RBPMS: variants seen among roughly 807,000 people sequenced by gnomAD.
The protein encoded by RBPMS is RNA-binding protein with multiple splicing.
RBPMS carries 7 observed loss-of-function variants against 26.8 expected under a neutral mutation model. The ratio of observed to expected loss-of-function variants is 0.26; its 90% confidence interval spans 0.15 to 0.49. RBPMS has a LOEUF of 0.49. Among genes scored for constraint, RBPMS ranks in the 20% least tolerant of loss-of-function variants. The pLI is 0.98. For missense variants in RBPMS, 186 were observed against 250.0 expected, an observed-to-expected ratio of 0.74 and a Z score of 1.73; for synonymous variants, 96 against 93.3, an observed-to-expected ratio of 1.03 and a Z score of -0.17.
At chr8:30,433,405 G>A (rs965995826) in intron 1 of RBPMS, among the ~76,000 whole-genome samples, 3 of 152,174 alleles carry the variant, frequency 2.0e-5, no homozygotes. Flanking sequence ...GTAGTTTGGA[G>A]TAATTTACCA....
At chr8:30,537,398 C>CT (rs1824907253) in intron 5 of RBPMS, among the ~76,000 whole-genome samples, 1 of 152,086 alleles carries the variant, frequency 6.6e-6, no homozygotes, top group Admixed American at 6.5e-5. Context: ...GGTCTGCTTG[C>CT]TTTTTTGCAG....
chr8:30,552,951 T>C (rs1449442611), intron 6 of RBPMS: 1 of 152,270 alleles, frequency 6.6e-6, no homozygotes, highest in African/African-American at 2.4e-5. Context: ...GACTGGAAGA[T>C]CCGGCAAGAG....
chr8:30,531,751 T>G (rs1824246353), intron 5 of RBPMS, among the ~76,000 whole-genome samples: 1 of 152,234 alleles, frequency 6.6e-6, no homozygotes, highest in African/African-American at 2.4e-5. Context: ...GGCCTTGTTA[T>G]GGTTGTTCTT....
chr8:30,430,864 C>T (rs1219466961), intron 1 of RBPMS, among the ~76,000 whole-genome samples: 1 of 152,156 alleles, frequency 6.6e-6, no homozygotes. Context: ...ATATCAAATG[C>T]CTACCATGTA....
chr8:30,390,570 C>A (rs933143177), intron 1 of RBPMS, among the ~76,000 whole-genome samples: 4 of 152,156 alleles, frequency 2.6e-5, no homozygotes, highest in African/African-American at 4.8e-5. Context: ...AGGTCTTCCT[C>A]TTCTGTTCTC....
chr8:30,412,373 C>T (rs1367523959), intron 1 of RBPMS, among the ~76,000 whole-genome samples: 1 of 152,136 alleles, frequency 6.6e-6, no homozygotes, highest in Non-Finnish European at 1.5e-5. Context: ...CAGCCCTGAG[C>T]CCAGATGACT....
intron 1 of RBPMS, among the ~76,000 whole-genome samples, chr8:30,440,709 G>A (rs1414889005): frequency 2.6e-5 from 4 of 151,850 alleles, no homozygotes; most frequent in Non-Finnish European, 4.4e-5. Flanking sequence ...ATTTTTTGAG[G>A]TTCTCCATAG....
intron 4 of RBPMS, among the ~76,000 whole-genome samples, chr8:30,489,338 G>A (rs547991730): frequency 2.0e-5 from 3 of 152,180 alleles, no homozygotes; most frequent in South Asian, 4.2e-4. Context: ...GAGCCATTGC[G>A]CCTGACCGAG....
At chr8:30,519,466 T>C (rs1822788480) in intron 5 of RBPMS, among the ~76,000 whole-genome samples, 1 of 1,352 alleles carries the variant, frequency 7.4e-4, no homozygotes, top group South Asian at 0.062. Flanking sequence ...CTCTTTTTTT[T>C]TTTTTTTTTT....
At chr8:30,570,582 G>C (rs558031471) in intron 8 of RBPMS, 55 bp from the exon 9 acceptor site, 3 of 152,718 alleles carry the variant, frequency 2.0e-5, no homozygotes, top group Non-Finnish European at 2.9e-5. Context: ...CAAAGCCATC[G>C]CAACTAGGGA....
chr8:30,453,738 T>TTGA (rs1814881198), intron 1 of RBPMS: 1 of 152,190 alleles, frequency 6.6e-6, no homozygotes, highest in African/African-American at 2.4e-5. Flanking sequence ...CAAGAAAATC[T>TTGA]TCCCAACGAT....
At chr8:30,452,329 C>T (rs1215568401) in intron 1 of RBPMS, among the ~76,000 whole-genome samples, 1 of 152,082 alleles carries the variant, frequency 6.6e-6, no homozygotes, top group East Asian at 1.9e-4. Flanking sequence ...TGATTGTACC[C>T]AGTGTTACCA....
intron 8 of RBPMS, among the ~76,000 whole-genome samples, chr8:30,567,991 GATGGGCCATTCTCC>G (rs1472280092): frequency 6.6e-6 from 1 of 152,230 alleles, no homozygotes; most frequent in Non-Finnish European, 1.5e-5. Flanking sequence ...GGAGGGCAGA[GATGGGCCATTCTCC>G]ATGGGCCCCC....
intron 1 of RBPMS, among the ~76,000 whole-genome samples, chr8:30,456,985 GTTGGTCGTATCTTTAT>G (rs1297713673): frequency 1.3e-5 from 2 of 152,228 alleles, no homozygotes; most frequent in Non-Finnish European, 2.9e-5. Context: ...TATCTGGGAT[GTTGGTCGTATCTTTAT>G]TTGGTCGTAC....
chr8:30,387,264 GA>G (rs1368102193), intron 1 of RBPMS: 2 of 152,214 alleles, frequency 1.3e-5, no homozygotes, highest in African/African-American at 4.8e-5. Context: ...ACCGTGAAGA[GA>G]GGGGGGTTTA....
chr8:30,549,220 T>C (rs908829416), intron 6 of RBPMS, among the ~76,000 whole-genome samples: 2 of 152,180 alleles, frequency 1.3e-5, no homozygotes, highest in Non-Finnish European at 2.9e-5. Context: ...CTCCCAAAAG[T>C]AAGGCAGGAG....
intron 1 of RBPMS, among the ~76,000 whole-genome samples, chr8:30,467,442 G>A (rs563202654): frequency 6.6e-5 from 10 of 152,298 alleles, no homozygotes; most frequent in African/African-American, 2.4e-4. Flanking sequence ...GTATGTGGAG[G>A]CCTTAACTTC....
intron 4 of RBPMS, among the ~76,000 whole-genome samples, chr8:30,489,679 G>A (rs1819179413): frequency 2.0e-5 from 3 of 152,202 alleles, no homozygotes; most frequent in South Asian, 2.1e-4. Flanking sequence ...TCCTGACCTC[G>A]TGTTCTGCCC....
At position 30,385,148 on chromosome 8, in the gene RBPMS, A is replaced by T; in HGVS notation, c.56A>T (p.Gln19Leu). The part of the protein sequence containing the change: ...KENTPSEANL[Q>L]EEEVRTLFVS... ...AACACCCCGAGCGAGGCCAACCTTC[A>T]GGAGGAGGAGGTACTGGGCGGCTCG... is the stretch of plus-strand genomic sequence containing the variant. The change falls in exon 1 of 9, where the codon CAG becomes CTG. Residue 19 changes from glutamine (Q) to leucine (L), a missense_variant. This residue lies in a region of RBPMS where 38 missense variants were observed against 27.8 expected (regional missense o/e 1.37). Coordinates refer to ENST00000397323, the MANE Select transcript of RBPMS (RefSeq NM_001008710.3). 2 of 1,518,988 alleles carry T rather than the reference A, an allele frequency of 1.3e-6. No individual in the cohort carries two copies. The highest frequency in any genetic ancestry group is 1.8e-6 in the Non-Finnish European group (2 of 1,133,938). 94.1% of individuals were successfully genotyped at this position (1,518,988 alleles called of 1,614,324 possible).
Sources: gnomAD v4.1 joint callset for allele counts (sites outside exome capture counted in the v4.1 genomes callset) on GRCh38, gnomAD v4.1.1 for gene constraint, gnomAD v4.1.1 regional missense constraint, MANE v1.5 for transcripts, NCBI Gene and HGNC (gene_info 2026-07-23, HGNC 2026-07-21) for gene names.